Variants in SLC35B4 observed in about 807,000 individuals in gnomAD.
SLC35B4 encodes the protein nucleotide sugar transporter SLC35B4.
A neutral mutation model predicts 39.5 loss-of-function variants in SLC35B4; 28 were observed. The observed-to-expected ratio is 0.71, with a 90% CI of 0.53 to 0.97. The LOEUF (loss-of-function observed/expected upper bound fraction) is 0.97. Ranked by LOEUF, SLC35B4 falls within the 50% of genes least tolerant of loss-of-function variation. The pLI, the probability that SLC35B4 is intolerant of heterozygous loss-of-function variation, is 0.00. For missense variants in SLC35B4, 334 were observed against 414.3 expected, an observed-to-expected ratio of 0.81 and a Z score of 1.68; for synonymous variants, 145 against 150.4, an observed-to-expected ratio of 0.96 and a Z score of 0.26.
chr7:134,302,549 A>G (rs554891897), intron 4 of SLC35B4, among the ~76,000 whole-genome samples: 1 of 152,310 alleles, frequency 6.6e-6, no homozygotes, highest in Non-Finnish European at 1.5e-5. Flanking sequence ...GCAGGATTCA[A>G]TGCTCAGAAA....
At chr7:134,311,425 G>C (rs1473038345) in intron 1 of SLC35B4, among the ~76,000 whole-genome samples, 5 of 152,192 alleles carry the variant, frequency 3.3e-5, no homozygotes, top group African/African-American at 1.2e-4. Flanking sequence ...GGAGGCTAAG[G>C]CAGGTGGATC....
Position 134,294,646 on chromosome 7 carries a change from G to T in SLC35B4, c.*187C>A. 3.2e-6 allele frequency: 2 copies of T among 621,088 alleles called. No homozygotes were observed. The highest frequency in any genetic ancestry group is 2.1e-5 in the South Asian group (1 of 47,034). The allele number at this position is 621,088 out of a possible 1,614,324, so 38.5% of individuals were successfully genotyped here. Reference sequence around the variant, plus strand: ...CTGTTCTTTTTTCTATTTTAGGGCTGAGGGGTTTCTATTTAGTCTACATGT... The same window carrying T: ...CTGTTCTTTTTTCTATTTTAGGGCTTAGGGGTTTCTATTTAGTCTACATGT... On this transcript the variant is annotated 3_prime_UTR_variant, in exon 10 of 10. Coordinates refer to ENST00000378509, the MANE Select transcript of SLC35B4 (RefSeq NM_032826.5).
At chr7:134,316,377 A>AC (rs921134902) in intron 1 of SLC35B4, among the ~76,000 whole-genome samples, 1 of 151,830 alleles carries the variant, frequency 6.6e-6, no homozygotes, top group Non-Finnish European at 1.5e-5. Context: ...AGACTTCAAT[A>AC]CCCCCCGAGT....
At chr7:134,319,929 C>T (rs1437968459), upstream of SLC35B4, among the ~76,000 whole-genome samples, 3 of 152,136 alleles carry the variant, frequency 2.0e-5, no homozygotes, top group South Asian at 2.1e-4. Context: ...CTTCTTCTCC[C>T]GTAAAGGCCT....
chr7:134,316,051 ATCT>A (rs779195337), intron 1 of SLC35B4, among the ~76,000 whole-genome samples: 143 of 151,684 alleles, frequency 9.4e-4, no homozygotes, highest in Non-Finnish European at 7.8e-4. Flanking sequence ...ACGTGGACTG[ATCT>A]TCTACATAAA....
chr7:134,316,279 G>A (rs1803972551), intron 1 of SLC35B4, among the ~76,000 whole-genome samples: 1 of 152,144 alleles, frequency 6.6e-6, no homozygotes, highest in South Asian at 2.1e-4. Context: ...AGTTGGATGG[G>A]AAGGAAGAGA....
intron 1 of SLC35B4, among the ~76,000 whole-genome samples, chr7:134,315,760 T>G (rs899809471): frequency 6.6e-6 from 1 of 151,986 alleles, no homozygotes; most frequent in Non-Finnish European, 1.5e-5. Context: ...ACACTATAGG[T>G]ATTGTTTTAC....
rs970075060 is a variant in SLC35B4 at position 134,304,866 on chromosome 7, G to A, written c.295-12C>T. On this transcript the variant is annotated splice_polypyrimidine_tract_variant and intron_variant, in intron 3 of 9. Transcript: ENST00000378509. Reference sequence around the variant, plus strand: ...GCAATTAGAGAACCCTGCAAAAGGAGACAACAGTAACAGAGAGGTTTAGTG... The same window carrying A: ...GCAATTAGAGAACCCTGCAAAAGGAAACAACAGTAACAGAGAGGTTTAGTG... 1 of 1,610,770 alleles carries A rather than the reference G, an allele frequency of 6.2e-7. No individual in the cohort carries two copies. Among genetic ancestry groups the A allele is most frequent in the Non-Finnish European group, 8.5e-7 (1 of 1,177,242 alleles).
intron 7 of SLC35B4, 85 bp downstream of exon 7, chr7:134,300,067 A>T: frequency 1.0e-6 from 1 of 988,136 alleles, no homozygotes; most frequent in African/African-American, 1.6e-5. Flanking sequence ...ACCTTCAACT[A>T]CATCAGAGAA....
chr7:134,306,659 C>T lies in SLC35B4; in HGVS notation c.294+13G>A, dbSNP rs374001636. ...TTCAGAGGAACATATACACGTGATC[C>T]GGCAGCACTTACGGATCTAAATATC... On this transcript the variant is annotated intron_variant, in intron 3 of 9. Coordinates refer to ENST00000378509, the MANE Select transcript of SLC35B4 (RefSeq NM_032826.5). 6.0e-5 allele frequency: 96 copies of T among 1,606,456 alleles called. No homozygotes were observed. The East Asian group carries it at 1.1e-3, about 18-fold the overall frequency.
rs964025693 is a variant in SLC35B4 at position 134,292,913 on chromosome 7, T to G, written c.*1920A>C. Reference sequence around the variant, plus strand: ...TACTCTGTAAACTCAGTGATTTAGGTGGAGAAATAATATCCACATTTTAAG... The same window carrying G: ...TACTCTGTAAACTCAGTGATTTAGGGGGAGAAATAATATCCACATTTTAAG... On this transcript the variant is annotated 3_prime_UTR_variant, in exon 10 of 10. Transcript: ENST00000378509. The G allele has an allele frequency of 3.3e-5, 5 of 152,134 alleles. No individual in the cohort carries two copies. Among genetic ancestry groups the G allele is most frequent in the Non-Finnish European group, 5.9e-5 (4 of 68,006 alleles). 9.4% of individuals were successfully genotyped at this position (152,134 alleles called of 1,614,324 possible).
rs751464435 is a variant in SLC35B4 at position 134,306,735 on chromosome 7, G to A, written c.231C>T (p.Ser77=). 10 of 1,613,802 alleles carry A rather than the reference G, an allele frequency of 6.2e-6. No homozygotes were observed. The highest frequency in any genetic ancestry group is 2.2e-5 in the East Asian group (1 of 44,884). Reference sequence around the variant, plus strand: ...GATTCAGGGCATAGTTGTTCACCACGCTCACGGTGAAGAACATGGTCACCA... The same window carrying A: ...GATTCAGGGCATAGTTGTTCACCACACTCACGGTGAAGAACATGGTCACCA... ...AIMVTMFFTV[S]VVNNYALNLN... Residue 77 remains serine, a synonymous_variant, in exon 3 of 10, where the codon AGC becomes AGT. Coordinates refer to ENST00000378509, the MANE Select transcript of SLC35B4 (RefSeq NM_032826.5).
chr7:134,311,080 A>G (rs2544224), intron 1 of SLC35B4, among the ~76,000 whole-genome samples: 73,488 of 151,742 alleles, frequency 0.48, 18,087 homozygotes, highest in Admixed American at 0.55. Flanking sequence ...ACTAACTGAA[A>G]CAGAAATGTT....
chr7:134,312,711 CT>C (rs1385376766), intron 1 of SLC35B4, among the ~76,000 whole-genome samples: 11 of 152,152 alleles, frequency 7.2e-5, no homozygotes, highest in Admixed American at 1.3e-4. Flanking sequence ...CATCTTAATA[CT>C]TTTTATTTTA....
Position 134,294,965 on chromosome 7 carries a change from G to T in SLC35B4, c.864C>A (p.Phe288Leu). 1 of 1,614,220 alleles carries T rather than the reference G, an allele frequency of 6.2e-7. No individual in the cohort carries two copies. Among genetic ancestry groups the T allele is most frequent in the Non-Finnish European group, 8.5e-7 (1 of 1,180,044 alleles). ...FVSLIFSILYFQNPFTLWHWL... is the reference protein window; with the variant it reads ...FVSLIFSILYLQNPFTLWHWL... ...AGTGCCACAGGGTGAAGGGGTTCTG[G>T]AAGTACAAGATGGAAAAGATGAGGC... Residue 288 changes from phenylalanine (F) to leucine (L), a missense_variant, in exon 10 of 10, where the codon TTC becomes TTA. Physicochemically the swap from Phe to Leu is conservative, Grantham distance 22. Transcript: ENST00000378509.
In SLC35B4 at chr7:134,300,139, G is replaced by A. The variant is rs757957084; in HGVS notation, c.597+13C>T. The A allele has an allele frequency of 1.5e-5, 23 of 1,553,204 alleles. No individual in the cohort carries two copies. Among genetic ancestry groups the A allele is most frequent in the Non-Finnish European group, 1.9e-5 (22 of 1,138,638 alleles). ...AGGAATTTTCACGTTCCCAGGTTCA[G>A]GAAGTTGCTTACATTATAAAACAAA... On this transcript the variant is annotated intron_variant, in intron 7 of 9. Coordinates refer to ENST00000378509, the MANE Select transcript of SLC35B4 (RefSeq NM_032826.5).
At chr7:134,305,165 A>T (rs1236684926) in intron 3 of SLC35B4, among the ~76,000 whole-genome samples, 2 of 152,140 alleles carry the variant, frequency 1.3e-5, no homozygotes, top group Non-Finnish European at 2.9e-5. Context: ...CTACTAAAAA[A>T]TACGAAACTT....
intron 6 of SLC35B4, 31 bp from the exon 7 acceptor site, chr7:134,300,292 C>T: frequency 6.9e-7 from 1 of 1,459,448 alleles, no homozygotes; most frequent in Non-Finnish European, 9.5e-7. Flanking sequence ...GACAAGATGT[C>T]TGCATTTGTT....
chr7:134,299,244 TC>T, intron 8 of SLC35B4: 1 of 343,736 alleles, frequency 2.9e-6, no homozygotes, highest in Non-Finnish European at 5.4e-6. Context: ...TCATTTGCAT[TC>T]TCAAAACATC....
Sources: gnomAD v4.1 joint callset for allele counts (sites outside exome capture counted in the v4.1 genomes callset) on GRCh38, gnomAD v4.1.1 for gene constraint, MANE v1.5 for transcripts, NCBI Gene and HGNC (gene_info 2026-07-23, HGNC 2026-07-21) for gene names.